Variants in METTL24 observed in about 807,000 individuals in gnomAD.
METTL24 encodes the protein methyltransferase like 24.
In METTL24, 29 loss-of-function variants were observed where a neutral mutation model predicts 32.7. That is an observed-to-expected ratio of 0.89 (90% confidence interval 0.66 to 1.21). The LOEUF (loss-of-function observed/expected upper bound fraction) is 1.21. Among genes scored for constraint, METTL24 ranks in the 50% most tolerant of loss-of-function variants. The probability of loss-of-function intolerance (pLI) is 0.00; values close to 1 mark genes in which losing one functional copy is unlikely to be tolerated. For synonymous variants in METTL24, 163 were observed against 179.5 expected, an observed-to-expected ratio of 0.91 and a Z score of 0.73; for missense variants, 439 against 468.1, an observed-to-expected ratio of 0.94 and a Z score of 0.57.
intron 1 of METTL24, among the ~76,000 whole-genome samples, chr6:110,343,256 T>C (rs999749377): frequency 1.1e-4 from 17 of 152,218 alleles, no homozygotes; most frequent in Non-Finnish European, 1.9e-4. Flanking sequence ...ATTGCTGCTC[T>C]CAAAGTACCA....
At chr6:110,313,669 CA>C (rs1401297100) in intron 3 of METTL24, among the ~76,000 whole-genome samples, 1 of 152,198 alleles carries the variant, frequency 6.6e-6, no homozygotes, top group East Asian at 1.9e-4. Flanking sequence ...TTTAATGTGA[CA>C]TGAAATAAAT....
intron 1 of METTL24, among the ~76,000 whole-genome samples, chr6:110,328,892 A>T (rs1772063768): frequency 1.3e-5 from 2 of 152,200 alleles, no homozygotes; most frequent in Non-Finnish European, 2.9e-5. Flanking sequence ...TCCTTCACAG[A>T]CCATATCCTC....
intron 4 of METTL24, among the ~76,000 whole-genome samples, chr6:110,285,851 C>T (rs928211386): frequency 1.3e-5 from 2 of 152,226 alleles, no homozygotes; most frequent in Non-Finnish European, 2.9e-5. Flanking sequence ...GCAAGATTCT[C>T]AGACAAGTAC....
At chr6:110,355,394 C>T (rs187233000) in intron 1 of METTL24, among the ~76,000 whole-genome samples, 91 of 152,242 alleles carry the variant, frequency 6.0e-4, no homozygotes, top group African/African-American at 2.2e-3. Context: ...AACCTGGGGC[C>T]TACTGTAGAA....
chr6:110,346,203 C>A (rs552727446), intron 1 of METTL24, among the ~76,000 whole-genome samples: 1 of 152,304 alleles, frequency 6.6e-6, no homozygotes, highest in East Asian at 1.9e-4. Flanking sequence ...GTTCCTCAAA[C>A]CCATTGGTCT....
At chr6:110,263,059 C>G (rs560587719) in intron 4 of METTL24, among the ~76,000 whole-genome samples, 5 of 152,142 alleles carry the variant, frequency 3.3e-5, no homozygotes, top group Non-Finnish European at 7.3e-5. Flanking sequence ...AAAACTGGCA[C>G]AAGACAAGGA....
intron 1 of METTL24, among the ~76,000 whole-genome samples, chr6:110,325,960 T>A (rs773546310): frequency 6.6e-6 from 1 of 152,146 alleles, no homozygotes; most frequent in Non-Finnish European, 1.5e-5. Context: ...TACTTGACTG[T>A]CTCAAAAAGA....
chr6:110,354,261 T>G (rs1173013579), intron 1 of METTL24, among the ~76,000 whole-genome samples: 1 of 152,176 alleles, frequency 6.6e-6, no homozygotes, highest in Non-Finnish European at 1.5e-5. Context: ...AAGAAAGAAT[T>G]ATATGAGGAC....
intron 4 of METTL24, among the ~76,000 whole-genome samples, chr6:110,289,500 T>C (rs953530221): frequency 6.6e-6 from 1 of 151,186 alleles, no homozygotes; most frequent in Non-Finnish European, 1.5e-5. Flanking sequence ...TTTGTAAAAA[T>C]ACCAATAAAT....
At chr6:110,318,385 C>G (rs759080715) in intron 2 of METTL24, among the ~76,000 whole-genome samples, 6 of 152,074 alleles carry the variant, frequency 3.9e-5, no homozygotes, top group South Asian at 2.1e-4. Flanking sequence ...TGGTGGCTCA[C>G]GCCTGTAATC....
chr6:110,265,720 G>A (rs750339136), intron 4 of METTL24, among the ~76,000 whole-genome samples: 1 of 152,164 alleles, frequency 6.6e-6, no homozygotes, highest in Non-Finnish European at 1.5e-5. Context: ...AGGGGAGGAG[G>A]TAGGGAGAGC....
intron 1 of METTL24, chr6:110,357,700 A>C: frequency 5.3e-6 from 1 of 187,004 alleles, no homozygotes; most frequent in Non-Finnish European, 1.1e-5. Context: ...GGAGCCTAGA[A>C]GGGCGCCCGG....
At chr6:110,253,785 T>C (rs566259724) in intron 4 of METTL24, 884 of 944,472 alleles carry the variant, frequency 9.4e-4, no homozygotes, top group Non-Finnish European at 1.2e-3. Flanking sequence ...TTCTACAAAA[T>C]TGAAATTATC....
intron 2 of METTL24, among the ~76,000 whole-genome samples, chr6:110,321,468 G>A (rs568546420): frequency 3.9e-5 from 6 of 152,184 alleles, no homozygotes; most frequent in Admixed American, 6.5e-5. Context: ...TCTCAAATCC[G>A]ATTCATAAAA....
intron 1 of METTL24, among the ~76,000 whole-genome samples, chr6:110,339,612 A>G: frequency 6.6e-6 from 1 of 152,248 alleles, no homozygotes. Flanking sequence ...GGCTTTGGGC[A>G]AGAAAGATCA....
In METTL24 at chr6:110,300,393, T is replaced by G. The variant is rs1771497546; in HGVS notation, c.558-1243A>C. On this transcript the variant is annotated intron_variant, in intron 3 of 4. Transcript: ENST00000338882. ...TATTTTAATTAACTAAAATAAGCCT[T>G]CAGTTCAGAGATCATCCACCGAGAC... 2.0e-5 allele frequency among the ~76,000 whole-genome samples: 3 copies of G among 151,516 alleles called. No homozygotes were observed. The South Asian group carries it at 6.3e-4, about 32-fold the overall frequency.
At chr6:110,289,052 ATAC>A (rs1157009187) in intron 4 of METTL24, among the ~76,000 whole-genome samples, 1 of 152,180 alleles carries the variant, frequency 6.6e-6, no homozygotes, top group Non-Finnish European at 1.5e-5. Flanking sequence ...AATAGTCCAC[ATAC>A]TACTGGGAAG....
At chr6:110,340,730 C>T (rs927448162) in intron 1 of METTL24, among the ~76,000 whole-genome samples, 5 of 152,132 alleles carry the variant, frequency 3.3e-5, no homozygotes, top group African/African-American at 4.8e-5. Flanking sequence ...TTCTGAACAC[C>T]GTTCAAGTAT....
intron 1 of METTL24, among the ~76,000 whole-genome samples, chr6:110,341,307 T>C (rs554169512): frequency 6.6e-6 from 1 of 152,320 alleles, no homozygotes; most frequent in East Asian, 1.9e-4. Flanking sequence ...GGCCCAGGCA[T>C]TTGGATTTTC....
Sources: gnomAD v4.1 joint callset for allele counts (sites outside exome capture counted in the v4.1 genomes callset) on GRCh38, gnomAD v4.1.1 for gene constraint, MANE v1.5 for transcripts, NCBI Gene and HGNC (gene_info 2026-07-23, HGNC 2026-07-21) for gene names.